The following CC2D1A variants were observed in gnomAD, a reference collection of about 807,000 sequenced individuals.
CC2D1A encodes coiled-coil and C2 domain-containing protein 1A.
Under a neutral mutation model 123.8 loss-of-function variants are expected in CC2D1A, and 68 were observed. That is an observed-to-expected ratio of 0.55 (90% CI 0.45 to 0.67). The LOEUF is 0.67. Among genes scored for constraint, CC2D1A ranks in the 30% least tolerant of loss-of-function variants. The probability of loss-of-function intolerance (pLI) is 0.00; values close to 1 mark genes in which losing one functional copy is unlikely to be tolerated. For missense variants in CC2D1A, 1,185 were observed against 1,290.3 expected (o/e 0.92, Z 1.25); for synonymous variants, 477 against 528.0 (o/e 0.90, Z 1.32).
chr19:13,906,684 C>A lies in CC2D1A; in HGVS notation c.60+183C>A, dbSNP rs1215569994. 6.6e-6 allele frequency among the ~76,000 whole-genome samples: 1 copy of A among 152,230 alleles called. No individual in the cohort carries two copies. The highest frequency in any genetic ancestry group is 1.5e-5 in the Non-Finnish European group (1 of 68,038). Reference sequence around the variant, plus strand: ...TGGCCTACTGGCCTTGGCTCCCCAGCTCCTGGGGCCCTGCCCCGGGTTCGG... The same window carrying A: ...TGGCCTACTGGCCTTGGCTCCCCAGATCCTGGGGCCCTGCCCCGGGTTCGG... On this transcript the variant is annotated intron_variant, in intron 1 of 28. Transcript: ENST00000318003. The surrounding 1 kb of genome is among the most constrained non-coding windows in gnomAD (Gnocchi z 4.1).
chr19:13,906,322 C>A lies in CC2D1A; in HGVS notation c.-120C>A. The A allele has an allele frequency of 1.4e-6, 1 of 734,610 alleles. No homozygotes were observed. Among genetic ancestry groups the A allele is most frequent in the Non-Finnish European group, 2.0e-6 (1 of 506,194 alleles). The allele number at this position is 734,610 out of a possible 1,614,324, so 45.5% of individuals were successfully genotyped here. A position where few individuals can be genotyped will look rare whatever the true frequency, so the allele number is the denominator to read the frequency against. ...AGCGAGGGCTCGGGATCGACGGCCG[C>A]GGGGCGCCGACGAGGAGTGCAGGAC... On this transcript the variant is annotated 5_prime_UTR_variant, in exon 1 of 29. Transcript: ENST00000318003. The surrounding 1 kb of genome is among the most constrained non-coding windows in gnomAD (Gnocchi z 4.1).
chr19:13,920,975 T>C, intron 14 of CC2D1A, 53 bp downstream of exon 14: 1 of 1,523,468 alleles, frequency 6.6e-7, no homozygotes, highest in Non-Finnish European at 8.8e-7. Context: ...GTCAGGCTCC[T>C]GCCCCTTAGC....
At chr19:13,910,089 T>C (rs929166548) in intron 2 of CC2D1A, 131 bp downstream of exon 2, 2 of 826,028 alleles carry the variant, frequency 2.4e-6, no homozygotes, top group South Asian at 6.5e-5. Flanking sequence ...GCCAATGATC[T>C]GGGTAAGAGA....
Position 13,918,209 on chromosome 19 carries a change from A to T in CC2D1A, c.873+15A>T. On this transcript the variant is annotated intron_variant, in intron 7 of 28. Coordinates refer to ENST00000318003, the MANE Select transcript of CC2D1A (RefSeq NM_017721.5). ...GCGTGGCTAAGGTGCGTCCAGCCTG[A>T]CGGACAGGACTGGAGGGATGGGGCA... The T allele has an allele frequency of 6.4e-7, 1 of 1,552,606 alleles. No individual in the cohort carries two copies.
chr19:13,918,012 T>C, intron 6 of CC2D1A, 58 bp from the exon 7 acceptor site: 1 of 1,578,368 alleles, frequency 6.3e-7, no homozygotes, highest in Non-Finnish European at 8.6e-7. Context: ...ACAAATGGTT[T>C]ACACGGTGAA....
chr19:13,915,960 A>AT (rs1316106055), intron 6 of CC2D1A, among the ~76,000 whole-genome samples: 1 of 152,160 alleles, frequency 6.6e-6, no homozygotes, highest in African/African-American at 2.4e-5. Context: ...AAAACTATCA[A>AT]ATAGCTCAGC....
chr19:13,923,243 C>T lies in CC2D1A; in HGVS notation c.1642-90C>T, dbSNP rs1971469643. 6.9e-7 allele frequency: 1 copy of T among 1,445,398 alleles called. No individual in the cohort carries two copies. The highest frequency in any genetic ancestry group is 1.3e-5 in the South Asian group (1 of 74,138). The allele number at this position is 1,445,398 out of a possible 1,614,324, so 89.5% of individuals were successfully genotyped here. A position where few individuals can be genotyped will look rare whatever the true frequency, so the allele number is the denominator to read the frequency against. On this transcript the variant is annotated intron_variant, in intron 14 of 28. Transcript: ENST00000318003. This position sits in a 1 kb window ranked among gnomAD's most constrained non-coding sequence, Gnocchi z 5.3. Reference sequence around the variant, plus strand: ...GTGACAGAGCCGTGGTCAGGGAATGCCCCTCGTCAAGGAAGAATGACATTT... The same window carrying T: ...GTGACAGAGCCGTGGTCAGGGAATGTCCCTCGTCAAGGAAGAATGACATTT...
chr19:13,925,933 A>AAT (rs1210738190), intron 17 of CC2D1A, among the ~76,000 whole-genome samples: 1,216 of 90,922 alleles, frequency 0.013, 31 homozygotes, highest in East Asian at 0.08. Context: ...AAAAAAAAAA[A>AAT]ATATATATAT....
chr19:13,909,710 C>CCA, intron 1 of CC2D1A, 113 bp from the exon 2 acceptor site: 17 of 1,403,598 alleles, frequency 1.2e-5, no homozygotes, highest in Middle Eastern at 1.8e-4. Flanking sequence ...AGGGAAATGG[C>CCA]TTTCCCTGGG....
intron 12 of CC2D1A, chr19:13,920,260 T>TAAA (rs565445596): frequency 6.9e-5 from 29 of 418,918 alleles, no homozygotes; most frequent in Non-Finnish European, 9.0e-5. Flanking sequence ...CCAAGACAAT[T>TAAA]AAAAAAAAAA....
At chr19:13,918,643 G>A (rs1971292634) in intron 8 of CC2D1A, 67 bp downstream of exon 8, 2 of 1,584,532 alleles carry the variant, frequency 1.3e-6, no homozygotes, top group African/African-American at 2.7e-5. Flanking sequence ...CCTTGATGCT[G>A]CCACCCCTGT....
At chr19:13,911,706 A>ATTTTT (rs1055273535) in intron 2 of CC2D1A, among the ~76,000 whole-genome samples, 3 of 88,550 alleles carry the variant, frequency 3.4e-5, no homozygotes, top group African/African-American at 5.8e-5. Context: ...TGCCCAGCTA[A>ATTTTT]TTTTTTTTTT....
rs907731208 is a variant in CC2D1A at position 13,923,218 on chromosome 19, G to T, written c.1642-115G>T. On this transcript the variant is annotated intron_variant, in intron 14 of 28. Coordinates refer to ENST00000318003, the MANE Select transcript of CC2D1A (RefSeq NM_017721.5). The surrounding 1 kb of genome is among the most constrained non-coding windows in gnomAD (Gnocchi z 5.3). Reference sequence around the variant, plus strand: ...AAAAAAAAAAAAAGACCAGAGAAGGGTGACAGAGCCGTGGTCAGGGAATGC... The same window carrying T: ...AAAAAAAAAAAAAGACCAGAGAAGGTTGACAGAGCCGTGGTCAGGGAATGC... 2 of 1,291,310 alleles carry T rather than the reference G, an allele frequency of 1.5e-6. No homozygotes were observed. The highest frequency in any genetic ancestry group is 2.3e-5 in the Admixed American group (1 of 43,514). The allele number at this position is 1,291,310 out of a possible 1,614,324, so 80.0% of individuals were successfully genotyped here.
Position 13,913,435 on chromosome 19 carries a change from A to C in CC2D1A, c.545A>C (p.Lys182Thr), listed in dbSNP as rs1320441958. Reference sequence around the variant, plus strand: ...GAAAACCTGCTCGCCTCCATCCGTAAGGGCAATGCCATTGACGAAGCGGAC... The same window carrying C: ...GAAAACCTGCTCGCCTCCATCCGTACGGGCAATGCCATTGACGAAGCGGAC... ...TLENLLASIR[K>T]GNAIDEADIP... The change falls in exon 6 of 29, where the codon AAG becomes ACG. Residue 182 changes from lysine to threonine, a missense_variant. Lys to Thr is a moderately conservative substitution (Grantham distance 78). Transcript: ENST00000318003. The C allele has an allele frequency of 6.2e-7, 1 of 1,614,192 alleles. No individual in the cohort carries two copies. Among genetic ancestry groups the C allele is most frequent in the Admixed American group, 1.7e-5 (1 of 60,020 alleles).
rs372771537 is a variant in CC2D1A at position 13,913,421 on chromosome 19, C to T, written c.531C>T (p.Leu177=). 767 of 1,614,040 alleles carry T rather than the reference C, an allele frequency of 4.8e-4. 4 individuals are homozygous for T. In the South Asian group the frequency reaches 7.9e-3, roughly 17 times the overall value. The part of the protein sequence containing the change: ...DRGLKTLENL[L]ASIRKGNAID... ...TATCTTAGACACTGGAAAACCTGCT[C>T]GCCTCCATCCGTAAGGGCAATGCCA... The change falls in exon 6 of 29, where the codon CTC becomes CTT. Residue 177 remains leucine, a synonymous_variant. Coordinates refer to ENST00000318003, the MANE Select transcript of CC2D1A (RefSeq NM_017721.5).
Position 13,918,584 on chromosome 19 carries a change from C to G in CC2D1A, c.946+8C>G. ...GCCTGCCCCCTCCACCCGGTGAGAACCCTGCCATGCCCACTCTCTGGGATG... is the reference window on the plus strand; with the variant it reads ...GCCTGCCCCCTCCACCCGGTGAGAAGCCTGCCATGCCCACTCTCTGGGATG... On this transcript the variant is annotated splice_region_variant and intron_variant, in intron 8 of 28. Transcript: ENST00000318003. The G allele has an allele frequency of 6.2e-7, 1 of 1,612,362 alleles. No homozygotes were observed. Among genetic ancestry groups the G allele is most frequent in the Non-Finnish European group, 8.5e-7 (1 of 1,179,474 alleles).
rs1432767385 is a variant in CC2D1A at position 13,912,508 on chromosome 19, C to T, written c.313-20C>T. ...ATCCAGCAGGCCCTTATATCCTGCCCTGGCTGTGTGTCCCTGCAGGCGGAG... is the reference window on the plus strand; with the variant it reads ...ATCCAGCAGGCCCTTATATCCTGCCTTGGCTGTGTGTCCCTGCAGGCGGAG... On this transcript the variant is annotated intron_variant, in intron 3 of 28. Coordinates refer to ENST00000318003, the MANE Select transcript of CC2D1A (RefSeq NM_017721.5). The T allele has an allele frequency of 3.7e-6, 6 of 1,614,128 alleles. No homozygotes were observed. The highest frequency in any genetic ancestry group is 4.2e-6 in the Non-Finnish European group (5 of 1,180,020).
chr19:13,929,468 A>G (rs1277774878), intron 25 of CC2D1A, 26 bp downstream of exon 25: 1 of 1,612,806 alleles, frequency 6.2e-7, no homozygotes, highest in Non-Finnish European at 8.5e-7. Context: ...GCCGGGCTAC[A>G]TGGGGCAGGA....
intron 4 of CC2D1A, 38 bp downstream of exon 4, chr19:13,912,631 C>A (rs1316486150): frequency 6.2e-7 from 1 of 1,604,820 alleles, no homozygotes; most frequent in Non-Finnish European, 8.5e-7. Context: ...GAACCACAAC[C>A]CAACGGACAG....
Sources: gnomAD v4.1 joint callset for allele counts (sites outside exome capture counted in the v4.1 genomes callset) on GRCh38, gnomAD v4.1.1 for gene constraint, Gnocchi (gnomAD v3.1) non-coding constraint, MANE v1.5 for transcripts, NCBI Gene and HGNC (gene_info 2026-07-23, HGNC 2026-07-21) for gene names.